Variants in SENP6 observed in about 807,000 individuals in gnomAD.
The protein encoded by SENP6 is sentrin-specific protease 6.
SENP6 carries 41 observed loss-of-function variants against 134.5 expected under a neutral mutation model. The ratio of observed to expected loss-of-function variants is 0.30; its 90% confidence interval spans 0.24 to 0.40. The LOEUF (loss-of-function observed/expected upper bound fraction) is 0.40, where lower values mean the gene tolerates loss of function less well. Among genes scored for constraint, SENP6 ranks in the 10% least tolerant of loss-of-function variants. The pLI is 1.00. For missense variants in SENP6, 1,248 were observed against 1,312.5 expected (o/e 0.95, Z 0.76); for synonymous variants, 395 against 429.8 (o/e 0.92, Z 1.00).
At chr6:75,611,854 T>C (rs766499680) in intron 1 of SENP6, 7 of 152,232 alleles carry the variant, frequency 4.6e-5, no homozygotes, top group African/African-American at 7.2e-5. Flanking sequence ...CTGACTATGC[T>C]ATCATCTTGC....
chr6:75,633,304 A>G (rs777320065), intron 3 of SENP6, among the ~76,000 whole-genome samples: 8 of 152,200 alleles, frequency 5.3e-5, no homozygotes, highest in Admixed American at 1.3e-4. Context: ...GGAGAAAGCT[A>G]TCCTAAGATC....
intron 2 of SENP6, 33 bp from the exon 3 acceptor site, chr6:75,623,867 A>C: frequency 6.5e-7 from 1 of 1,543,658 alleles, no homozygotes; most frequent in Non-Finnish European, 8.9e-7. Flanking sequence ...TGTGATTGCT[A>C]CTTATGTTTT....
At chr6:75,711,972 C>G (rs1490948642) in intron 21 of SENP6, among the ~76,000 whole-genome samples, 1 of 152,208 alleles carries the variant, frequency 6.6e-6, no homozygotes, top group African/African-American at 2.4e-5. Context: ...CGCGCCCGGC[C>G]ACAAGTTTTG....
intron 7 of SENP6, among the ~76,000 whole-genome samples, chr6:75,658,245 C>T (rs1459771275): frequency 6.6e-6 from 1 of 152,012 alleles, no homozygotes; most frequent in Non-Finnish European, 1.5e-5. Context: ...GGGTGATGAT[C>T]ACTTAGTGAA....
chr6:75,650,808 A>G (rs1295848022), intron 7 of SENP6, among the ~76,000 whole-genome samples: 1 of 152,202 alleles, frequency 6.6e-6, no homozygotes, highest in Non-Finnish European at 1.5e-5. Context: ...TTTGGAGATA[A>G]CTTTTAAAAC....
chr6:75,695,462 C>T (rs537913961), intron 16 of SENP6, among the ~76,000 whole-genome samples: 38 of 152,322 alleles, frequency 2.5e-4, no homozygotes, highest in Non-Finnish European at 4.4e-4. Flanking sequence ...TGTGGCCGGG[C>T]GCCATGGCTC....
rs961834745 is a variant in SENP6, at chr6:75,683,252, G to GT, written c.2075+4334dup. 1.2e-3 allele frequency among the ~76,000 whole-genome samples: 187 copies of GT among 151,054 alleles called. 2 individuals are homozygous for GT. The highest frequency in any genetic ancestry group is 4.1e-3 in the African/African-American group (168 of 41,168). On this transcript the variant is annotated intron_variant, in intron 16 of 23. Transcript: ENST00000447266. Reference sequence around the variant, plus strand: ...TATCCTTTGCCCATTTTTTGATGGGGTTTTTTTTTCTTGTAAATTTGTTTG... The same window carrying GT: ...TATCCTTTGCCCATTTTTTGATGGGGTTTTTTTTTTCTTGTAAATTTGTTTG...
At chr6:75,692,099 G>A (rs969946507) in intron 16 of SENP6, among the ~76,000 whole-genome samples, 8 of 151,916 alleles carry the variant, frequency 5.3e-5, no homozygotes, top group African/African-American at 1.9e-4. Flanking sequence ...CAGGTGATCC[G>A]CCTGCCTCGG....
At chr6:75,673,128 A>G (rs1045351513) in intron 11 of SENP6, among the ~76,000 whole-genome samples, 12 of 152,042 alleles carry the variant, frequency 7.9e-5, no homozygotes, top group African/African-American at 2.9e-4. Context: ...CACCCGGCCA[A>G]TTGGCATTAT....
intron 20 of SENP6, among the ~76,000 whole-genome samples, chr6:75,710,231 G>C (rs765126986): frequency 5.3e-5 from 8 of 152,084 alleles, no homozygotes; most frequent in Admixed American, 1.3e-4. Context: ...TGTCATGGCA[G>C]AAGCAGATAA....
In SENP6 at chr6:75,662,623, T is replaced by C. The variant is rs1771874210; in HGVS notation, c.697-598T>C. The stretch of plus-strand genomic sequence containing the variant: ...TTTATCTTATTCAGCATAGTGTATC[T>C]GCATTTTGTTCGTAATTCTCACAGA... On this transcript the variant is annotated intron_variant, in intron 8 of 23. Transcript: ENST00000447266. Among the ~76,000 whole-genome samples the C allele has an allele frequency of 2.0e-5, 3 of 152,238 alleles. No individual in the cohort carries two copies. The South Asian group carries it at 6.2e-4, about 31-fold the overall frequency.
In SENP6 at chr6:75,623,939, T is replaced by G. The variant is rs762314049; in HGVS notation, c.186T>G (p.Ser62=). 22 of 1,609,582 alleles carry G rather than the reference T, an allele frequency of 1.4e-5. 1 individual carries two copies. The South Asian group carries it at 2.3e-4, about 17-fold the overall frequency. The change falls in exon 3 of 24, where the codon TCT becomes TCG. Residue 62 remains serine (S), a synonymous_variant. Transcript: ENST00000447266. ...TCAGTGTGGATGAAGATGAGGATTC[T>G]GAAACCTCAAAAGGAAAAAAGGCAA... ...NLLSVDEDED[S]ETSKGKKLNR...
Position 75,647,753 on chromosome 6 carries a change from CA to C in SENP6, c.507del (p.Val170LeufsTer6). 1 of 1,611,750 alleles carries C rather than the reference CA, an allele frequency of 6.2e-7. No homozygotes were observed. The highest frequency in any genetic ancestry group is 8.5e-7 in the Non-Finnish European group (1 of 1,178,510). ...TAGGAAAGAATACCCACCTCATGTC[CA>C]AAAAGTTGAAATTAATCCTGTAAGG... ...KERKEYPPHVQKVEINPVRLS... is the reference protein window; with the variant it reads ...KERKEYPPHVXKVEINPVRLS... On this transcript the variant is annotated frameshift_variant, in exon 7 of 24. Coordinates refer to ENST00000447266, the MANE Select transcript of SENP6 (RefSeq NM_015571.4). LOFTEE classifies it high-confidence loss of function.
intron 1 of SENP6, among the ~76,000 whole-genome samples, chr6:75,612,207 G>A (rs1767504572): frequency 6.6e-6 from 1 of 152,162 alleles, no homozygotes; most frequent in Admixed American, 6.5e-5. Flanking sequence ...AGGGTACTCA[G>A]ACTTGTAACA....
In SENP6 at chr6:75,604,838, C is replaced by T. The variant is rs1186598854; in HGVS notation, c.52+2262C>T. Among the ~76,000 whole-genome samples, 4 of 151,768 alleles carry T rather than the reference C, an allele frequency of 2.6e-5. No homozygotes were observed. The East Asian group carries it at 5.8e-4, about 22-fold the overall frequency. On this transcript the variant is annotated intron_variant, in intron 1 of 23. Coordinates refer to ENST00000447266, the MANE Select transcript of SENP6 (RefSeq NM_015571.4). ...CTGTAATCCCAACAATTTGGGAGGC[C>T]GAGATGAACGGATCACCTGAGGTCA...
chr6:75,715,036 G>A (rs1053480009), intron 23 of SENP6, among the ~76,000 whole-genome samples: 1 of 152,190 alleles, frequency 6.6e-6, no homozygotes, highest in African/African-American at 2.4e-5. Context: ...CTTTGCAACT[G>A]TGCAGTCTCT....
intron 16 of SENP6, among the ~76,000 whole-genome samples, chr6:75,695,576 A>G (rs1218291785): frequency 6.6e-6 from 1 of 152,012 alleles, no homozygotes; most frequent in Admixed American, 6.6e-5. Flanking sequence ...TATCTCTACT[A>G]AAATAGAAAA....
intron 16 of SENP6, among the ~76,000 whole-genome samples, chr6:75,681,949 G>T (rs183030915): frequency 2.0e-5 from 3 of 152,228 alleles, no homozygotes; most frequent in Admixed American, 1.3e-4. Flanking sequence ...AATGACTTCA[G>T]GGGCTGGGCT....
intron 5 of SENP6, 123 bp downstream of exon 5, chr6:75,634,934 T>C (rs545297820): frequency 1.0e-5 from 7 of 700,048 alleles, no homozygotes; most frequent in Non-Finnish European, 1.8e-5. Context: ...TAGAGAGATA[T>C]ATCTCTGAAA....
Sources: gnomAD v4.1 joint callset for allele counts (sites outside exome capture counted in the v4.1 genomes callset) on GRCh38, gnomAD v4.1.1 for gene constraint, MANE v1.5 for transcripts, NCBI Gene and HGNC (gene_info 2026-07-23, HGNC 2026-07-21) for gene names.